GAS7: variants seen among roughly 807,000 people sequenced by gnomAD.
GAS7 encodes the protein growth arrest specific 7.
In GAS7, 28 loss-of-function variants were observed where a neutral mutation model predicts 71.1. The ratio of observed to expected loss-of-function variants is 0.39; its 90% CI spans 0.29 to 0.54. The LOEUF is 0.54. Among genes scored for constraint, GAS7 ranks in the 20% least tolerant of loss-of-function variants. The pLI is 0.62. For missense variants in GAS7, 436 were observed against 627.8 expected (o/e 0.69, Z 3.27); for synonymous variants, 258 against 245.8 (o/e 1.05, Z -0.46).
intron 1 of GAS7, among the ~76,000 whole-genome samples, chr17:10,020,890 G>A (rs1253975556): frequency 6.6e-6 from 1 of 152,180 alleles, no homozygotes; most frequent in Non-Finnish European, 1.5e-5. Flanking sequence ...TCCAGCCTGG[G>A]TGACAGAGTG....
rs34829725 is a variant in GAS7 at position 10,180,331 on chromosome 17, CA to C, written c.183+17876del. ...GGAGGGACAGAGCAAAACTCTGCCT[CA>C]AAAAAAAAAAAAAAAAGCTATGGAA... On this transcript the variant is annotated intron_variant, in intron 1 of 13. Coordinates refer to ENST00000432992, the MANE Select transcript of GAS7 (RefSeq NM_201433.2). Among the ~76,000 whole-genome samples, 314 of 96,412 alleles carry C rather than the reference CA, an allele frequency of 3.3e-3. 2 individuals carry two copies. Among genetic ancestry groups the C allele is most frequent in the South Asian group, 0.013 (37 of 2,746 alleles). The allele number at this position is 96,412 out of a possible 152,430, so 63.3% of individuals were successfully genotyped here. A position where few individuals can be genotyped will look rare whatever the true frequency, so the allele number is the denominator to read the frequency against.
rs2074557097 is a variant in GAS7, at chr17:10,198,403, C to G, written c.-13G>C. On this transcript the variant is annotated 5_prime_UTR_variant, in exon 1 of 14. Transcript: ENST00000432992. ...GAGCGCCGGACATGGCCTTGGCGCC[C>G]GGGTTCACAGCGCAGCCTGCATTCC... The G allele has an allele frequency of 6.4e-7, 1 of 1,563,678 alleles. No homozygotes were observed. Among genetic ancestry groups the G allele is most frequent in the African/African-American group, 1.4e-5 (1 of 71,820 alleles).
intron 1 of GAS7, among the ~76,000 whole-genome samples, chr17:10,178,097 G>C (rs1253054908): frequency 1.3e-5 from 2 of 152,194 alleles, no homozygotes; most frequent in Non-Finnish European, 2.9e-5. Flanking sequence ...TCCAGAGCCT[G>C]AGTCACAGTC....
rs367547445 is a variant in GAS7 at position 10,000,409 on chromosome 17, A to G, written c.305-18525T>C. 3.3e-5 allele frequency among the ~76,000 whole-genome samples: 5 copies of G among 152,314 alleles called. No individual in the cohort carries two copies. In the South Asian group the frequency reaches 1.0e-3, roughly 32 times the overall value. On this transcript the variant is annotated intron_variant, in intron 2 of 13. Transcript: ENST00000432992. Reference sequence around the variant, plus strand: ...GTAGGACCCTTTAAAAGAAAGGCATAAGAATCAAAACAACCCACCAATTAC... The same window carrying G: ...GTAGGACCCTTTAAAAGAAAGGCATGAGAATCAAAACAACCCACCAATTAC...
chr17:9,960,346 C>T lies in GAS7; in HGVS notation c.472-1091G>A, dbSNP rs573253900. On this transcript the variant is annotated intron_variant, in intron 4 of 13. Coordinates refer to ENST00000432992, the MANE Select transcript of GAS7 (RefSeq NM_201433.2). ...CTGGGATTACAGGTGCCCGCCAGCA[C>T]GCCCAGCTAATTTTTGTATTTTTAG... Among the ~76,000 whole-genome samples the T allele has an allele frequency of 4.9e-4, 75 of 152,252 alleles. 1 individual carries two copies. Among genetic ancestry groups the T allele is most frequent in the East Asian group, 3.3e-3 (17 of 5,174 alleles).
intron 1 of GAS7, among the ~76,000 whole-genome samples, chr17:10,180,273 G>A (rs36049249): frequency 0.49 from 73,264 of 149,462 alleles, 18,255 homozygotes; most frequent in East Asian, 0.56. Flanking sequence ...CCCGAGAGGC[G>A]GAGGTTGCAG....
At chr17:9,970,155 T>C (rs2069901043) in intron 3 of GAS7, among the ~76,000 whole-genome samples, 1 of 152,156 alleles carries the variant, frequency 6.6e-6, no homozygotes, top group Non-Finnish European at 1.5e-5. Flanking sequence ...CTCCACCACC[T>C]TCCAACAATT....
At chr17:10,136,008 G>A (rs1206826845) in intron 1 of GAS7, among the ~76,000 whole-genome samples, 1 of 152,142 alleles carries the variant, frequency 6.6e-6, no homozygotes, top group East Asian at 1.9e-4. Context: ...ACTGAGCAGG[G>A]GGGTGGTTCA....
At chr17:10,112,473 C>T (rs1173565216) in intron 1 of GAS7, among the ~76,000 whole-genome samples, 8 of 152,146 alleles carry the variant, frequency 5.3e-5, no homozygotes, top group South Asian at 2.1e-4. Flanking sequence ...CGGTGTCTCA[C>T]GCCTGTAATC....
chr17:10,036,612 C>T (rs1197999398), intron 1 of GAS7: 3 of 1,455,504 alleles, frequency 2.1e-6, no homozygotes, highest in Non-Finnish European at 2.7e-6. Context: ...GGCACCCCAG[C>T]GGAGGTTCCT....
In GAS7 at chr17:10,026,721, T is replaced by C. The variant is rs1436514151; in HGVS notation, c.184-6824A>G. Among the ~76,000 whole-genome samples, 1 of 152,194 alleles carries C rather than the reference T, an allele frequency of 6.6e-6. No homozygotes were observed. Among genetic ancestry groups the C allele is most frequent in the Non-Finnish European group, 1.5e-5 (1 of 68,036 alleles). ...AGACTGGCAATTCACTCCCACGTCA[T>C]GCCTTCCTGGTGGACACCTGTTTAG... On this transcript the variant is annotated intron_variant, in intron 1 of 13. Transcript: ENST00000432992. This position sits in a 1 kb window ranked among gnomAD's most constrained non-coding sequence, Gnocchi z 4.5.
In GAS7 at chr17:9,937,023, A is replaced by G. The variant is rs546653798; in HGVS notation, c.807-2779T>C. On this transcript the variant is annotated intron_variant, in intron 8 of 13. Coordinates refer to ENST00000432992, the MANE Select transcript of GAS7 (RefSeq NM_201433.2). ...TGCTTTGCTTTGAAAGTCTTCAAGG[A>G]GATAGGGTTAAATGTCCAAAGCTGT... is the stretch of plus-strand genomic sequence containing the variant. 3.5e-4 allele frequency among the ~76,000 whole-genome samples: 54 copies of G among 152,232 alleles called. 1 individual carries two copies. In the South Asian group the frequency reaches 9.5e-3, roughly 27 times the overall value.
rs747956613 is a variant in GAS7 at position 10,198,394 on chromosome 17, CT to C, written c.-5del. On this transcript the variant is annotated 5_prime_UTR_variant, in exon 1 of 14. Coordinates refer to ENST00000432992, the MANE Select transcript of GAS7 (RefSeq NM_201433.2). ...TCCGGCAGCGAGCGCCGGACATGGCCTTGGCGCCCGGGTTCACAGCGCAGCC... is the reference window on the plus strand; with the variant it reads ...TCCGGCAGCGAGCGCCGGACATGGCCTGGCGCCCGGGTTCACAGCGCAGCC... 1 of 1,573,486 alleles carries C rather than the reference CT, an allele frequency of 6.4e-7. No homozygotes were observed. Among genetic ancestry groups the C allele is most frequent in the Non-Finnish European group, 8.6e-7 (1 of 1,168,886 alleles).
At chr17:10,061,227 A>T (rs757941593) in intron 1 of GAS7, 5 of 152,302 alleles carry the variant, frequency 3.3e-5, no homozygotes, top group Admixed American at 6.5e-5. Context: ...ACCCAGAACA[A>T]CAACTTCAAA....
chr17:10,131,587 A>G (rs2073997592), intron 1 of GAS7, among the ~76,000 whole-genome samples: 1 of 152,182 alleles, frequency 6.6e-6, no homozygotes, highest in Non-Finnish European at 1.5e-5. Flanking sequence ...ACACCACTGC[A>G]CTCCAGCCTG....
chr17:9,967,653 A>C (rs1454235712), intron 4 of GAS7, among the ~76,000 whole-genome samples: 1 of 151,674 alleles, frequency 6.6e-6, no homozygotes, highest in Non-Finnish European at 1.5e-5. Flanking sequence ...GTACTTTCCC[A>C]AATTATTGCA....
At chr17:10,079,790 G>A (rs1353387569) in intron 1 of GAS7, among the ~76,000 whole-genome samples, 2 of 152,070 alleles carry the variant, frequency 1.3e-5, no homozygotes, top group Non-Finnish European at 2.9e-5. Flanking sequence ...ATTTAGCTCA[G>A]AATAAAACTC....
At chr17:9,965,345 A>G (rs965082869) in intron 4 of GAS7, among the ~76,000 whole-genome samples, 1 of 152,186 alleles carries the variant, frequency 6.6e-6, no homozygotes, top group African/African-American at 2.4e-5. Context: ...CATAAAAAAG[A>G]ATGAGTTCAT....
At chr17:10,046,785 AAAGG>A (rs57271954) in intron 1 of GAS7, among the ~76,000 whole-genome samples, 15,062 of 68,492 alleles carry the variant, frequency 0.22, 2,162 homozygotes, top group Middle Eastern at 0.3. Flanking sequence ...AGAAAGAAAG[AAAGG>A]AAGGAAGGAA....
Sources: gnomAD v4.1 joint callset for allele counts (sites outside exome capture counted in the v4.1 genomes callset) on GRCh38, gnomAD v4.1.1 for gene constraint, Gnocchi (gnomAD v3.1) non-coding constraint, MANE v1.5 for transcripts, NCBI Gene and HGNC (gene_info 2026-07-23, HGNC 2026-07-21) for gene names.